TRMT2A: variants seen among roughly 807,000 people sequenced by gnomAD.
TRMT2A encodes the protein tRNA methyltransferase 2A, also known as tRNA (uracil-5-)-methyltransferase homolog A.
In TRMT2A, 60 loss-of-function variants were observed where a neutral mutation model predicts 59.3. The ratio of observed to expected loss-of-function variants is 1.01; its 90% CI spans 0.82 to 1.26. TRMT2A has a LOEUF of 1.26. Among genes scored for constraint, TRMT2A ranks in the 50% most tolerant of loss-of-function variants. TRMT2A has a pLI of 0.00. For missense variants in TRMT2A, 863 were observed against 845.2 expected (o/e 1.02, Z -0.26); for synonymous variants, 403 against 353.7 (o/e 1.14, Z -1.56).
chr22:20,115,599 A>G, intron 3 of TRMT2A, 73 bp downstream of exon 3: 1 of 1,578,614 alleles, frequency 6.3e-7, no homozygotes, highest in Non-Finnish European at 8.7e-7. Flanking sequence ...GGAGATCAAC[A>G]GGAAGGGTGA....
At position 20,117,096 on chromosome 22, in the gene TRMT2A, C is replaced by T. The variant is rs941820975; in HGVS notation, c.-190G>A. 1 of 735,470 alleles carries T rather than the reference C, an allele frequency of 1.4e-6. No individual in the cohort carries two copies. Among genetic ancestry groups the T allele is most frequent in the African/African-American group, 1.8e-5 (1 of 56,682 alleles). The allele number at this position is 735,470 out of a possible 1,614,324, so 45.6% of individuals were successfully genotyped here. ...CGCCCCAGGCGGGGCGGGACTCGAA[C>T]CTGCGATGCTCAGGTCCGGGTCTCA... On this transcript the variant is annotated 5_prime_UTR_variant, in exon 1 of 12. Coordinates refer to ENST00000252136, the MANE Select transcript of TRMT2A (RefSeq NM_022727.6).
chr22:20,112,670 G>A lies in TRMT2A; in HGVS notation c.1771C>T (p.His591Tyr). 6.2e-7 allele frequency: 1 copy of A among 1,614,096 alleles called. No homozygotes were observed. Among genetic ancestry groups the A allele is most frequent in the Non-Finnish European group, 8.5e-7 (1 of 1,180,028 alleles). The part of the protein sequence containing the change: ...EMLILFERVE[H>Y]PNGTGVLGPH... ...CCCAAGACCCCTGTGCCATTGGGGT[G>A]CTCCACCCTCTCAAACAGGATGAGC... is the stretch of plus-strand genomic sequence containing the variant. Residue 591 changes from histidine (H) to tyrosine (Y), a missense_variant, in exon 12 of 12, where the codon CAC (histidine) becomes TAC (tyrosine). His to Tyr is a moderately conservative substitution (Grantham distance 83, BLOSUM62 2). Transcript: ENST00000252136.
At chr22:20,115,922 T>C in intron 2 of TRMT2A, 116 bp downstream of exon 2, 1 of 1,409,268 alleles carries the variant, frequency 7.1e-7, no homozygotes, top group Non-Finnish European at 9.6e-7. Flanking sequence ...GCTGGCTAGC[T>C]CCCAAAGGGG....
intron 9 of TRMT2A, 33 bp downstream of exon 9, chr22:20,113,399 A>AACCCCC: frequency 4.2e-6 from 3 of 713,622 alleles, no homozygotes; most frequent in Non-Finnish European, 7.1e-6. Context: ...GGCTGCCCCC[A>AACCCCC]TCCCCACCCC....
At chr22:20,115,941 T>C (rs1310482248) in intron 2 of TRMT2A, 97 bp downstream of exon 2, 1 of 1,452,750 alleles carries the variant, frequency 6.9e-7, no homozygotes, top group African/African-American at 1.4e-5. Context: ...GGCCGCCAGA[T>C]CCTGTGCTGG....
chr22:20,115,203 G>A, intron 4 of TRMT2A, 63 bp downstream of exon 4: 1 of 1,585,256 alleles, frequency 6.3e-7, no homozygotes, highest in East Asian at 2.3e-5. Flanking sequence ...CCCGGGGCAG[G>A]ATCACCACCC....
chr22:20,113,926 C>T, intron 7 of TRMT2A, 118 bp from the exon 8 acceptor site: 1 of 1,343,100 alleles, frequency 7.4e-7, no homozygotes, highest in Non-Finnish European at 9.8e-7. Flanking sequence ...CCACTCCCCA[C>T]CTTGGTGCCC....
Position 20,115,370 on chromosome 22 carries a change from G to A in TRMT2A, c.786C>T (p.Leu262=), listed in dbSNP as rs761133381. 8.7e-6 allele frequency: 14 copies of A among 1,612,646 alleles called. No homozygotes were observed. Among genetic ancestry groups the A allele is most frequent in the Non-Finnish European group, 1.2e-5 (14 of 1,180,014 alleles). Residue 262 remains leucine, a synonymous_variant, in exon 4 of 12, where the codon CTC becomes CTT. Transcript: ENST00000252136. ...CACACGTCCCGCCCTTGTACTTGCC[G>A]AGCCGACAGCCCACGGTGTTATCCT... ...DGEDNTVGCR[L]GKYKGGTCAV... is the part of the protein sequence containing the mutation.
At position 20,112,199 on chromosome 22, in the gene TRMT2A, G is replaced by T; in HGVS notation, c.*364C>A. 3.4e-6 allele frequency: 1 copy of T among 292,702 alleles called. No homozygotes were observed. The highest frequency in any genetic ancestry group is 6.5e-5 in the East Asian group (1 of 15,500). 18.1% of individuals were successfully genotyped at this position (292,702 alleles called of 1,614,324 possible). ...AGTAAGCTCTGCCCTGACTCCCCCAGCCATGCAGAGAGGCTTGCAGAGCTG... is the reference window on the plus strand; with the variant it reads ...AGTAAGCTCTGCCCTGACTCCCCCATCCATGCAGAGAGGCTTGCAGAGCTG... On this transcript the variant is annotated 3_prime_UTR_variant, in exon 12 of 12. Transcript: ENST00000252136.
At position 20,115,724 on chromosome 22, in the gene TRMT2A, TTGTGCCTCTGCTC is replaced by T. The variant is rs747355589; in HGVS notation, c.643_655del (p.Glu215SerfsTer71). On this transcript the variant is annotated frameshift_variant, in exon 3 of 12. Transcript: ENST00000252136. LOFTEE classifies it high-confidence loss of function. ...CAGCGGGCAGCAGGCCTTGTTGTGC[TTGTGCCTCTGCTC>T]GAGCAGCCAGGGCAGCAAGGCACGG... 3 of 1,612,910 alleles carry T rather than the reference TTGTGCCTCTGCTC, an allele frequency of 1.9e-6. No homozygotes were observed. Among genetic ancestry groups the T allele is most frequent in the Non-Finnish European group, 2.5e-6 (3 of 1,179,904 alleles).
rs755528081 is a variant in TRMT2A at position 20,114,805 on chromosome 22, C to G, written c.1077G>C (p.Arg359Ser). The G allele has an allele frequency of 6.2e-7, 1 of 1,609,840 alleles. No individual in the cohort carries two copies. The highest frequency in any genetic ancestry group is 1.3e-5 in the African/African-American group (1 of 75,010). ...LAQHFTAGPGRASGVTCLYFV... is the reference protein window; with the variant it reads ...LAQHFTAGPGSASGVTCLYFV... ...AGTAGAGGCAGGTCACTCCACTGGC[C>G]CTGCCTGGCCCTGCTGTGAAGTGCT... Residue 359 changes from arginine (R) to serine (S), a missense_variant, in exon 6 of 12, where the codon AGG becomes AGC. Coordinates refer to ENST00000252136, the MANE Select transcript of TRMT2A (RefSeq NM_022727.6).
chr22:20,112,901 A>AGAC lies in TRMT2A; in HGVS notation c.1646+7_1646+9dup. On this transcript the variant is annotated intron_variant, in intron 11 of 11. Coordinates refer to ENST00000252136, the MANE Select transcript of TRMT2A (RefSeq NM_022727.6). ...GCCTAGCCCCCACCCAGGCCCCTGC[A>AGAC]GACACTCACTCCACAAAGTTGCCCA... The AGAC allele has an allele frequency of 6.2e-7, 1 of 1,613,454 alleles. No individual in the cohort carries two copies. The highest frequency in any genetic ancestry group is 8.5e-7 in the Non-Finnish European group (1 of 1,179,956).
In TRMT2A at chr22:20,115,687, C is replaced by G; in HGVS notation, c.693G>C (p.Arg231Ser). The G allele has an allele frequency of 6.2e-7, 1 of 1,612,946 alleles. No individual in the cohort carries two copies. The highest frequency in any genetic ancestry group is 1.3e-5 in the African/African-American group (1 of 75,060). Residue 231 changes from arginine to serine, a missense_variant, in exon 3 of 12, where the codon AGG becomes AGC. Transcript: ENST00000252136. ...NKACCPLEGV[R>S]PSPQQTEYRN... ...CTAGTCTGACCTGCTGGGGTGATGG[C>G]CTGACCCCCTCCAGCGGGCAGCAGG... is the stretch of plus-strand genomic sequence containing the variant.
chr22:20,115,006 G>T lies in TRMT2A; in HGVS notation c.964C>A (p.Arg322Ser). 6.3e-7 allele frequency: 1 copy of T among 1,598,414 alleles called. No homozygotes were observed. Residue 322 changes from arginine to serine, a missense_variant, in exon 5 of 12, where the codon CGC becomes AGC. Arg to Ser is a moderately radical substitution (Grantham distance 110). Coordinates refer to ENST00000252136, the MANE Select transcript of TRMT2A (RefSeq NM_022727.6). Reference protein sequence around the residue: ...HWKQLTVRTSRRHQAMAIAYF... With the variant: ...HWKQLTVRTSSRHQAMAIAYF... ...GCAATGGCCATGGCCTGGTGGCGGC[G>T]GCTGGTGCGCACAGTCAGCTGCTTC...
At chr22:20,115,476 C>T (rs945811623) in intron 3 of TRMT2A, 29 bp from the exon 4 acceptor site, 10 of 1,591,216 alleles carry the variant, frequency 6.3e-6, no homozygotes, top group Non-Finnish European at 8.6e-6. Flanking sequence ...GCACCTTACC[C>T]TGGCTGCCCA....
rs763482303 is a variant in TRMT2A, at chr22:20,115,093, G to T, written c.891-14C>A. ...TATGGAGTGGACCTGTGGGAATCAC[G>T]AGCTGGCCCAAGTGCCCACAACTGG... On this transcript the variant is annotated splice_polypyrimidine_tract_variant and intron_variant, in intron 4 of 11. Coordinates refer to ENST00000252136, the MANE Select transcript of TRMT2A (RefSeq NM_022727.6). 3.2e-6 allele frequency: 5 copies of T among 1,581,702 alleles called. No individual in the cohort carries two copies. The highest frequency in any genetic ancestry group is 4.3e-6 in the Non-Finnish European group (5 of 1,169,208).
At position 20,116,947 on chromosome 22, in the gene TRMT2A, G is replaced by A; in HGVS notation, c.-41C>T. 1 of 1,572,984 alleles carries A rather than the reference G, an allele frequency of 6.4e-7. No homozygotes were observed. Among genetic ancestry groups the A allele is most frequent in the Non-Finnish European group, 8.6e-7 (1 of 1,158,876 alleles). On this transcript the variant is annotated 5_prime_UTR_variant, in exon 1 of 12. Transcript: ENST00000252136. ...CCGCCTAGACCAGGGACGCCATGGG[G>A]GCCGCCTGGCCACCTCGTCCTGGGC...
At position 20,112,910 on chromosome 22, in the gene TRMT2A, C is replaced by T. The variant is rs768271920; in HGVS notation, c.1646+1G>A. Reference sequence around the variant, plus strand: ...CCACCCAGGCCCCTGCAGACACTCACTCCACAAAGTTGCCCATGGCTGCCC... The same window carrying T: ...CCACCCAGGCCCCTGCAGACACTCATTCCACAAAGTTGCCCATGGCTGCCC... On this transcript the variant is annotated splice_donor_variant, in intron 11 of 11. Transcript: ENST00000252136. LOFTEE classifies it high-confidence loss of function. The T allele has an allele frequency of 2.5e-6, 4 of 1,613,614 alleles. No homozygotes were observed. In the East Asian group the frequency reaches 6.7e-5, roughly 27 times the overall value.
rs139838034 is a variant in TRMT2A, at chr22:20,112,193, C to T, written c.*370G>A. 8 of 278,396 alleles carry T rather than the reference C, an allele frequency of 2.9e-5. No homozygotes were observed. The highest frequency in any genetic ancestry group is 1.8e-4 in the African/African-American group (8 of 45,622). 17.2% of individuals were successfully genotyped at this position (278,396 alleles called of 1,614,324 possible). On this transcript the variant is annotated 3_prime_UTR_variant, in exon 12 of 12. Coordinates refer to ENST00000252136, the MANE Select transcript of TRMT2A (RefSeq NM_022727.6). Reference sequence around the variant, plus strand: ...TTTTAAAGTAAGCTCTGCCCTGACTCCCCCAGCCATGCAGAGAGGCTTGCA... The same window carrying T: ...TTTTAAAGTAAGCTCTGCCCTGACTTCCCCAGCCATGCAGAGAGGCTTGCA...
Sources: allele counts gnomAD v4.1 joint callset, GRCh38; gene constraint gnomAD v4.1.1; transcripts MANE v1.5; gene names NCBI Gene and HGNC (gene_info 2026-07-23, HGNC 2026-07-21).